Variants in LRRC7 observed in about 807,000 individuals in gnomAD.
LRRC7 encodes the protein leucine-rich repeat-containing protein 7.
A neutral mutation model predicts 175.7 loss-of-function variants in LRRC7; 23 were observed. That is an observed-to-expected ratio of 0.13 (90% CI 0.09 to 0.19). The LOEUF is 0.19. LRRC7 is among the 10% of genes least tolerant of loss of function. The pLI, the probability that LRRC7 is intolerant of heterozygous loss-of-function variation, is 1.00. For missense variants in LRRC7, 1,354 were observed against 1,904.7 expected (o/e 0.71, Z 5.38); for synonymous variants, 685 against 680.9 (o/e 1.01, Z -0.09).
In LRRC7 at chr1:70,023,198, G is replaced by A. The variant is rs201075157; in HGVS notation, c.1618G>A (p.Asp540Asn). The A allele has an allele frequency of 8.8e-5, 140 of 1,589,924 alleles. 2 individuals carry two copies. In the South Asian group the frequency reaches 1.2e-3, roughly 14 times the overall value. The change falls in exon 17 of 27, where the codon GAT becomes AAT. Residue 540 changes from aspartate (D) to asparagine (N), a missense_variant. This residue lies in a region of LRRC7 where 1,032 missense variants were observed against 1,227.2 expected (regional missense o/e 0.84). Coordinates refer to ENST00000651989, the MANE Select transcript of LRRC7 (RefSeq NM_001370785.2). ...ITLQPARLSG[D>N]CCTPWARCDQ... The stretch of plus-strand genomic sequence containing the variant: ...TCTCCAACCTGCCAGACTGTCTGGC[G>A]ATTGCTGCACACCATGGGCCAGGTG...
At chr1:69,728,898 A>T (rs1167443454) in intron 2 of LRRC7, among the ~76,000 whole-genome samples, 2 of 152,248 alleles carry the variant, frequency 1.3e-5, no homozygotes, top group African/African-American at 2.4e-5. Flanking sequence ...TGGGTAATTT[A>T]TAAAGGAAAG....
intron 1 of LRRC7, among the ~76,000 whole-genome samples, chr1:69,637,802 G>A (rs575399546): frequency 4.6e-4 from 70 of 151,978 alleles, no homozygotes; most frequent in Non-Finnish European, 9.0e-4. Flanking sequence ...AAAGGACAAA[G>A]AATGTTTTTT....
At chr1:69,608,519 T>C (rs1773324) in intron 1 of LRRC7, among the ~76,000 whole-genome samples, 22,945 of 152,048 alleles carry the variant, frequency 0.15, 1,910 homozygotes, top group Admixed American at 0.19. Flanking sequence ...AGGCAGAGCC[T>C]AACTCAGCCA....
At position 70,003,106 on chromosome 1, in the gene LRRC7, CT is replaced by C. The variant is rs1419895070; in HGVS notation, c.1004+8475del. On this transcript the variant is annotated intron_variant, in intron 11 of 26. Coordinates refer to ENST00000651989, the MANE Select transcript of LRRC7 (RefSeq NM_001370785.2). Reference sequence around the variant, plus strand: ...TTTATTCTGAGCCCTCTTCTCTTGGCTTGTAGGCGACCACCATGTTGCTGTG... The same window carrying C: ...TTTATTCTGAGCCCTCTTCTCTTGGCTGTAGGCGACCACCATGTTGCTGTG... Among the ~76,000 whole-genome samples, 3 of 152,136 alleles carry C rather than the reference CT, an allele frequency of 2.0e-5. No individual in the cohort carries two copies. In the East Asian group the frequency reaches 5.8e-4, roughly 30 times the overall value.
intron 13 of LRRC7, among the ~76,000 whole-genome samples, chr1:70,014,375 G>C (rs1032159291): frequency 1.3e-5 from 2 of 151,932 alleles, no homozygotes; most frequent in Non-Finnish European, 2.9e-5. Flanking sequence ...GCAGACTTGA[G>C]TTCACCTACA....
At chr1:69,717,786 GA>G (rs369152579) in intron 2 of LRRC7, among the ~76,000 whole-genome samples, 392 of 19,138 alleles carry the variant, frequency 0.02, 30 homozygotes, top group African/African-American at 0.056. Flanking sequence ...AAGAAAGAAA[GA>G]AAGAAAGAAA....
chr1:69,738,529 C>A (rs1030883781), intron 2 of LRRC7, among the ~76,000 whole-genome samples: 11 of 151,932 alleles, frequency 7.2e-5, no homozygotes, highest in Non-Finnish European at 1.5e-4. Context: ...AAATAAAAAT[C>A]CTACTTTTAG....
intron 4 of LRRC7, among the ~76,000 whole-genome samples, chr1:69,802,888 G>A (rs1676682418): frequency 6.6e-6 from 1 of 151,098 alleles, no homozygotes; most frequent in South Asian, 2.1e-4. Flanking sequence ...ATTTTTCTAT[G>A]TTTTCTTCTA....
intron 4 of LRRC7, 85 bp from the exon 5 acceptor site, chr1:69,825,663 T>C (rs1208150000): frequency 2.3e-6 from 2 of 852,152 alleles, no homozygotes; most frequent in East Asian, 5.6e-5. Context: ...ACTCATAGTT[T>C]TAATAATTAT....
intron 1 of LRRC7, among the ~76,000 whole-genome samples, chr1:69,653,611 A>T (rs374440739): frequency 2.0e-5 from 3 of 152,132 alleles, no homozygotes; most frequent in African/African-American, 4.8e-5. Context: ...TCAAAATTTT[A>T]TAAAAAGAAC....
In LRRC7 at chr1:69,919,875, C is replaced by T. The variant is rs1646832611; in HGVS notation, c.648-11632C>T. The stretch of plus-strand genomic sequence containing the variant: ...GCCCAGGCCTGGCCTCGGGGTTCCC[C>T]CGCTGCCTGCTGGCCAGTGGCCGAA... On this transcript the variant is annotated intron_variant, in intron 7 of 26. Coordinates refer to ENST00000651989, the MANE Select transcript of LRRC7 (RefSeq NM_001370785.2). The T allele has an allele frequency of 6.1e-6, 4 of 658,806 alleles. No homozygotes were observed. In the Admixed American group the frequency reaches 9.3e-5, roughly 15 times the overall value. The allele number at this position is 658,806 out of a possible 1,614,324, so 40.8% of individuals were successfully genotyped here. A position where few individuals can be genotyped will look rare whatever the true frequency, so the allele number is the denominator to read the frequency against.
chr1:69,923,387 C>T (rs1167166239), intron 7 of LRRC7, among the ~76,000 whole-genome samples: 3 of 152,038 alleles, frequency 2.0e-5, no homozygotes, highest in Non-Finnish European at 2.9e-5. Flanking sequence ...CCTGAGGAAT[C>T]GCCACACTGA....
intron 1 of LRRC7, among the ~76,000 whole-genome samples, chr1:69,641,147 A>G (rs948658830): frequency 1.3e-5 from 2 of 151,646 alleles, no homozygotes; most frequent in South Asian, 2.1e-4. Flanking sequence ...AACTTTTTAC[A>G]TTAGGAATAA....
At chr1:70,046,675 T>C (rs1486975347) in intron 22 of LRRC7, among the ~76,000 whole-genome samples, 2 of 152,122 alleles carry the variant, frequency 1.3e-5, no homozygotes, top group Non-Finnish European at 2.9e-5. Flanking sequence ...CCATCACCAA[T>C]GCAGGAACCT....
intron 1 of LRRC7, among the ~76,000 whole-genome samples, chr1:69,620,256 G>C (rs755765669): frequency 2.2e-5 from 2 of 92,152 alleles, no homozygotes; most frequent in Non-Finnish European, 4.2e-5. Flanking sequence ...TAAATGGATT[G>C]ATAACTATTT....
chr1:69,683,628 T>A (rs1660764364), intron 2 of LRRC7, among the ~76,000 whole-genome samples: 1 of 151,866 alleles, frequency 6.6e-6, no homozygotes, highest in Non-Finnish European at 1.5e-5. Context: ...AAGGAAGAGT[T>A]TGCCTTCAAA....
At chr1:69,678,965 T>A (rs934423542) in intron 2 of LRRC7, among the ~76,000 whole-genome samples, 1 of 152,086 alleles carries the variant, frequency 6.6e-6, no homozygotes, top group African/African-American at 2.4e-5. Context: ...GTTTGCCAAA[T>A]GGAAACATTT....
At chr1:69,928,319 C>A (rs1647157469) in intron 7 of LRRC7, among the ~76,000 whole-genome samples, 1 of 152,202 alleles carries the variant, frequency 6.6e-6, no homozygotes. Context: ...GCTGGGAGAA[C>A]CACTGCTCTC....
At chr1:69,918,537 A>G (rs1646787408) in intron 7 of LRRC7, among the ~76,000 whole-genome samples, 2 of 152,226 alleles carry the variant, frequency 1.3e-5, no homozygotes, top group African/African-American at 4.8e-5. Flanking sequence ...GCACACGAAC[A>G]AGAAAAGTAA....
Sources: allele counts gnomAD v4.1 joint callset (sites outside exome capture counted in the v4.1 genomes callset), GRCh38; gene constraint gnomAD v4.1.1; regional missense constraint gnomAD v4.1.1; transcripts MANE v1.5; gene names NCBI Gene and HGNC (gene_info 2026-07-23, HGNC 2026-07-21).